The following AZIN1 variants were observed in gnomAD, a reference collection of about 807,000 sequenced individuals.
AZIN1 encodes the protein ornithine decarboxylase antizyme inhibitor.
AZIN1 carries 12 observed loss-of-function variants against 47.4 expected under a neutral mutation model. The ratio of observed to expected loss-of-function variants is 0.25; its 90% confidence interval spans 0.16 to 0.41. The LOEUF (loss-of-function observed/expected upper bound fraction) is 0.41, where lower values mean the gene tolerates loss of function less well. Ranked by LOEUF, AZIN1 falls within the 10% of genes least tolerant of loss-of-function variation. AZIN1 has a pLI of 1.00. For missense variants in AZIN1, 410 were observed against 532.4 expected (o/e 0.77, Z 2.26); for synonymous variants, 155 against 176.3 (o/e 0.88, Z 0.96).
intron 9 of AZIN1, among the ~76,000 whole-genome samples, chr8:102,832,227 G>A (rs1030900162): frequency 9.2e-5 from 14 of 152,018 alleles, no homozygotes; most frequent in African/African-American, 3.4e-4. Context: ...GTCCTGGACT[G>A]GATTCTAAGC....
At chr8:102,847,156 G>A (rs1812615774) in intron 2 of AZIN1, among the ~76,000 whole-genome samples, 1 of 151,924 alleles carries the variant, frequency 6.6e-6, no homozygotes, top group Non-Finnish European at 1.5e-5. Context: ...TTGCTATATT[G>A]GCAGTACTTG....
intron 4 of AZIN1, among the ~76,000 whole-genome samples, chr8:102,839,199 G>A (rs1812019523): frequency 6.6e-6 from 1 of 152,072 alleles, no homozygotes; most frequent in South Asian, 2.1e-4. Flanking sequence ...TAAATAAAAA[G>A]TGAGACGAGG....
In AZIN1 at chr8:102,827,046, T is replaced by C. The variant is rs1811155872; in HGVS notation, c.*1521A>G. ...TATTAGAGATTCATGATCAATTTCT[T>C]TCCACCTCGAAATCAAGGTGTAAAA... On this transcript the variant is annotated 3_prime_UTR_variant, in exon 12 of 12. Transcript: ENST00000337198. 1 of 152,636 alleles carries C rather than the reference T, an allele frequency of 6.6e-6. No individual in the cohort carries two copies. The highest frequency in any genetic ancestry group is 2.4e-5 in the African/African-American group (1 of 41,450). 9.5% of individuals were successfully genotyped at this position (152,636 alleles called of 1,614,324 possible).
intron 10 of AZIN1, 130 bp from the exon 11 acceptor site, chr8:102,829,616 G>A: frequency 3.2e-6 from 3 of 945,888 alleles, no homozygotes; most frequent in Non-Finnish European, 4.8e-6. Flanking sequence ...CCAAGGGCAG[G>A]GTGCTACTTA....
chr8:102,839,917 A>C, intron 3 of AZIN1, 94 bp from the exon 4 acceptor site: 2 of 836,570 alleles, frequency 2.4e-6, no homozygotes, highest in Non-Finnish European at 3.7e-6. Context: ...TCCTCCACAA[A>C]TATATGGGTC....
chr8:102,860,404 A>G (rs1320687370), intron 1 of AZIN1, among the ~76,000 whole-genome samples: 1 of 152,178 alleles, frequency 6.6e-6, no homozygotes, highest in Admixed American at 6.5e-5. Flanking sequence ...CTCGGATTAC[A>G]GGCATGTGCC....
chr8:102,836,421 T>G, intron 5 of AZIN1, 31 bp from the exon 6 acceptor site: 1 of 1,609,308 alleles, frequency 6.2e-7, no homozygotes, highest in Non-Finnish European at 8.5e-7. Flanking sequence ...TGGGGCAGAG[T>G]TGGTTTACAT....
In AZIN1 at chr8:102,834,714, T is replaced by G; in HGVS notation, c.618A>C (p.Gln206His). ...CATCAGATAGAGCATGTACATATAC[T>G]TGAGATTCTTTGCAAGCACTCGAAA... ...FHVSSACKES[Q>H]VYVHALSDAR... Residue 206 changes from glutamine (Q) to histidine (H), a missense_variant, in exon 7 of 12, where the codon CAA becomes CAC. Transcript: ENST00000337198. 6.2e-7 allele frequency: 1 copy of G among 1,612,342 alleles called. No individual in the cohort carries two copies. The highest frequency in any genetic ancestry group is 8.5e-7 in the Non-Finnish European group (1 of 1,179,008).
chr8:102,834,630 A>G (rs1811700670), intron 7 of AZIN1, 36 bp downstream of exon 7: 1 of 1,499,718 alleles, frequency 6.7e-7, no homozygotes, highest in East Asian at 2.3e-5. Context: ...CCTGGCTAAA[A>G]TAAAATATCA....
chr8:102,836,584 G>C, intron 5 of AZIN1, 194 bp from the exon 6 acceptor site: 1 of 565,906 alleles, frequency 1.8e-6, no homozygotes, highest in Non-Finnish European at 3.1e-6. Flanking sequence ...AAAGCATGAA[G>C]CTTACAAGGA....
At chr8:102,832,254 GT>G (rs1811508379) in intron 9 of AZIN1, among the ~76,000 whole-genome samples, 1 of 151,820 alleles carries the variant, frequency 6.6e-6, no homozygotes, top group Non-Finnish European at 1.5e-5. Context: ...AAACAAAGCT[GT>G]AAAAAAAAGA....
intron 3 of AZIN1, 77 bp from the exon 4 acceptor site, chr8:102,839,900 CCT>C (rs1426353903): frequency 1.0e-6 from 1 of 992,316 alleles, no homozygotes; most frequent in Non-Finnish European, 1.5e-6. Flanking sequence ...GGAAAGAACA[CCT>C]CTTTTCCTCC....
At chr8:102,853,108 T>C (rs554637106) in intron 2 of AZIN1, among the ~76,000 whole-genome samples, 4 of 152,238 alleles carry the variant, frequency 2.6e-5, no homozygotes, top group African/African-American at 7.2e-5. Context: ...CAAGATCAGG[T>C]TGGGTGAAGA....
At chr8:102,834,550 G>T (rs1436949426) in intron 7 of AZIN1, 116 bp downstream of exon 7, 1 of 751,614 alleles carries the variant, frequency 1.3e-6, no homozygotes, top group East Asian at 2.6e-5. Context: ...TAAAAATGAG[G>T]TGTGTGTCAC....
At chr8:102,836,123 T>A (rs925588459) in intron 6 of AZIN1, 133 bp downstream of exon 6, 10 of 959,474 alleles carry the variant, frequency 1.0e-5, no homozygotes, top group African/African-American at 1.7e-5. Flanking sequence ...AGAAAACACA[T>A]ACATGTGTGT....
At chr8:102,837,421 T>C (rs1366859636) in intron 5 of AZIN1, among the ~76,000 whole-genome samples, 1 of 152,212 alleles carries the variant, frequency 6.6e-6, no homozygotes, top group Admixed American at 6.5e-5. Context: ...TGTGTAACTG[T>C]TTTCCTATGG....
chr8:102,844,628 T>A (rs1416336068), intron 2 of AZIN1, among the ~76,000 whole-genome samples: 1 of 115,346 alleles, frequency 8.7e-6, no homozygotes, highest in Non-Finnish European at 1.9e-5. Flanking sequence ...CTTCAACAGG[T>A]TGTTGTAAAA....
chr8:102,840,929 G>A (rs556182816), intron 3 of AZIN1, among the ~76,000 whole-genome samples: 3 of 152,148 alleles, frequency 2.0e-5, no homozygotes, highest in East Asian at 3.9e-4. Flanking sequence ...ATGGTATTCC[G>A]GAGACACAAA....
intron 3 of AZIN1, among the ~76,000 whole-genome samples, chr8:102,842,600 G>T (rs1006176336): frequency 4.0e-5 from 6 of 151,536 alleles, no homozygotes; most frequent in Middle Eastern, 3.2e-3. Context: ...CCAGCTACTT[G>T]GGAGGCTGAG....
Sources: gnomAD v4.1 joint callset for allele counts (sites outside exome capture counted in the v4.1 genomes callset) on GRCh38, gnomAD v4.1.1 for gene constraint, MANE v1.5 for transcripts, NCBI Gene and HGNC (gene_info 2026-07-23, HGNC 2026-07-21) for gene names.